SYNE1: variants seen among roughly 807,000 people sequenced by gnomAD.
The protein encoded by SYNE1 is spectrin repeat containing nuclear envelope protein 1.
Under a neutral mutation model 1,111.0 loss-of-function variants are expected in SYNE1, and 616 were observed. The ratio of observed to expected loss-of-function variants is 0.55; its 90% CI spans 0.52 to 0.59. The LOEUF (loss-of-function observed/expected upper bound fraction) is 0.59, where lower values mean the gene tolerates loss of function less well. Among genes scored for constraint, SYNE1 ranks in the 20% least tolerant of loss-of-function variants. The pLI is 0.00. For missense variants in SYNE1, 10,006 were observed against 10,417.0 expected (o/e 0.96, Z 1.72); for synonymous variants, 3,855 against 3,825.8 (o/e 1.01, Z -0.28).
At chr6:152,282,422 A>G (rs2094090157) in intron 96 of SYNE1, among the ~76,000 whole-genome samples, 1 of 152,222 alleles carries the variant, frequency 6.6e-6, no homozygotes, top group African/African-American at 2.4e-5. Context: ...GCAGCCACAT[A>G]CAGTTTCAGG....
rs562102264 is a variant in SYNE1 at position 152,314,557 on chromosome 6, C to G, written c.16710+2292G>C. Among the ~76,000 whole-genome samples, 8 of 152,242 alleles carry G rather than the reference C, an allele frequency of 5.3e-5. No homozygotes were observed. In the East Asian group the frequency reaches 1.6e-3, roughly 30 times the overall value. On this transcript the variant is annotated intron_variant, in intron 87 of 145. Coordinates refer to ENST00000367255, the MANE Select transcript of SYNE1 (RefSeq NM_182961.4). ...AAATCACACTATATTGTACTGTTTC[C>G]TTCTATCTGTCCCCTCCCCTAAATA...
chr6:152,614,193 A>G (rs1055992366), intron 3 of SYNE1, among the ~76,000 whole-genome samples: 1 of 152,346 alleles, frequency 6.6e-6, no homozygotes, highest in Non-Finnish European at 1.5e-5. Context: ...ATCAGAGTGA[A>G]CAGGCAACCT....
In SYNE1 at chr6:152,334,284, A is replaced by C. The variant is rs886977669; in HGVS notation, c.12529-11T>G. 2.5e-6 allele frequency: 4 copies of C among 1,612,700 alleles called. No homozygotes were observed. The Admixed American group carries it at 5.0e-5, about 20-fold the overall frequency. On this transcript the variant is annotated splice_polypyrimidine_tract_variant and intron_variant, in intron 76 of 145. Coordinates refer to ENST00000367255, the MANE Select transcript of SYNE1 (RefSeq NM_182961.4). Reference sequence around the variant, plus strand: ...TTTCTTAACAAAATCCTAAAGGATAACAGCAACAAAAAATATGTAATGTGT... The same window carrying C: ...TTTCTTAACAAAATCCTAAAGGATACCAGCAACAAAAAATATGTAATGTGT...
chr6:152,310,608 GCA>G, intron 88 of SYNE1, 78 bp downstream of exon 88: 1 of 1,608,500 alleles, frequency 6.2e-7, no homozygotes, highest in Non-Finnish European at 8.5e-7. Context: ...TCACAGGTGA[GCA>G]CTATTTCCAT....
chr6:152,514,172 T>C (rs2099099742), intron 6 of SYNE1, among the ~76,000 whole-genome samples: 1 of 152,210 alleles, frequency 6.6e-6, no homozygotes, highest in Non-Finnish European at 1.5e-5. Context: ...TAAGGGCACA[T>C]GCACATGTAT....
intron 11 of SYNE1, among the ~76,000 whole-genome samples, chr6:152,496,319 G>C (rs2098999070): frequency 6.6e-6 from 1 of 152,078 alleles, no homozygotes; most frequent in Admixed American, 6.5e-5. Flanking sequence ...AATCTGGCCT[G>C]GTGTATGACA....
intron 98 of SYNE1, among the ~76,000 whole-genome samples, chr6:152,274,453 T>C (rs894253696): frequency 6.6e-6 from 1 of 152,102 alleles, no homozygotes; most frequent in Non-Finnish European, 1.5e-5. Context: ...TGTTTGTCTA[T>C]GTCTTTTGTT....
intron 106 of SYNE1, among the ~76,000 whole-genome samples, chr6:152,243,409 G>T (rs2086268199): frequency 6.6e-6 from 1 of 152,164 alleles, no homozygotes. Flanking sequence ...AAACTGGAAA[G>T]ACATTTTAGG....
intron 6 of SYNE1, among the ~76,000 whole-genome samples, chr6:152,514,336 G>A (rs2099100566): frequency 6.6e-6 from 1 of 152,178 alleles, no homozygotes; most frequent in Admixed American, 6.5e-5. Context: ...CAGGGACATG[G>A]ATGAAGCTGG....
In SYNE1 at chr6:152,441,185, C is replaced by G; in HGVS notation, c.4094G>C (p.Arg1365Pro). The change falls in exon 32 of 146, where the codon CGC (arginine) becomes CCC (proline). Residue 1365 changes from arginine (R) to proline (P), a missense_variant. Around this residue, in one of 7 missense-constraint regions of SYNE1, gnomAD observed 1,971 missense variants for 2,084.1 expected, o/e 0.95. Transcript: ENST00000367255. ...YLFQTGSSHE[R>P]FLSFSSLESL... ...TTCCAAACTGCTAAAACTCAAGAAGCGTTCATGACTGGAACCTGTTTGAAA... is the reference window on the plus strand; with the variant it reads ...TTCCAAACTGCTAAAACTCAAGAAGGGTTCATGACTGGAACCTGTTTGAAA... 1 of 1,613,412 alleles carries G rather than the reference C, an allele frequency of 6.2e-7. No individual in the cohort carries two copies. Among genetic ancestry groups the G allele is most frequent in the Non-Finnish European group, 8.5e-7 (1 of 1,179,700 alleles).
chr6:152,348,044 C>T (rs1018098863), intron 72 of SYNE1, among the ~76,000 whole-genome samples: 3 of 152,060 alleles, frequency 2.0e-5, no homozygotes, highest in African/African-American at 7.2e-5. Flanking sequence ...ATATAATAAT[C>T]TAATTCTAGT....
Position 152,122,472 on chromosome 6 carries a change from G to A in SYNE1, c.26358C>T (p.Pro8786=), listed in dbSNP as rs781460714. 1.2e-6 allele frequency: 2 copies of A among 1,614,188 alleles called. No homozygotes were observed. The highest frequency in any genetic ancestry group is 1.7e-6 in the Non-Finnish European group (2 of 1,180,028). Residue 8786 remains proline (P), a synonymous_variant, in exon 146 of 146, where the codon CCC becomes CCT. Coordinates refer to ENST00000367255, the MANE Select transcript of SYNE1 (RefSeq NM_182961.4). ...GAGGGCCATTCGTGTATCTGAGCAT[G>A]GGGTGGAATGACCGGGCAAAGTTGT... ...LSNNFARSFH[P]MLRYTNGPPP... is the part of the protein sequence containing the mutation.
chr6:152,176,595 G>A (rs2153134829), intron 129 of SYNE1, 35 bp from the exon 130 acceptor site: 2 of 1,603,410 alleles, frequency 1.2e-6, no homozygotes, highest in East Asian at 2.2e-5. Context: ...AGGTCAGAAA[G>A]CATATTCTTA....
intron 121 of SYNE1, 119 bp from the exon 122 acceptor site, chr6:152,215,179 G>C: frequency 9.3e-7 from 1 of 1,079,516 alleles, no homozygotes; most frequent in Non-Finnish European, 1.4e-6. Context: ...AGTGGCCTCT[G>C]CATTTCTAGG....
At chr6:152,155,238 A>AT (rs1172062735) in intron 132 of SYNE1, 196 bp from the exon 133 acceptor site, 10 of 594,254 alleles carry the variant, frequency 1.7e-5, no homozygotes, top group African/African-American at 9.3e-5. Context: ...CGGCTGTTTT[A>AT]TTTTTTTAAA....
chr6:152,354,665 C>T lies in SYNE1; in HGVS notation c.10920G>A (p.Gln3640=). 1 of 1,614,208 alleles carries T rather than the reference C, an allele frequency of 6.2e-7. No homozygotes were observed. The highest frequency in any genetic ancestry group is 8.5e-7 in the Non-Finnish European group (1 of 1,180,030). The change falls in exon 67 of 146, where the codon CAG becomes CAA. Residue 3640 remains glutamine, a synonymous_variant. Transcript: ENST00000367255. Reference sequence around the variant, plus strand: ...GAATCTACATGAGTTGTACCTTCATCTGATGTAATTGTATCTCCTTGGTTG... The same window carrying T: ...GAATCTACATGAGTTGTACCTTCATTTGATGTAATTGTATCTCCTTGGTTG... ...NRATKEIQLH[Q]MKKWHEEVTA...
intron 59 of SYNE1, among the ~76,000 whole-genome samples, chr6:152,372,163 C>T (rs2097201824): frequency 6.6e-6 from 1 of 152,070 alleles, no homozygotes; most frequent in Non-Finnish European, 1.5e-5. Context: ...AGAGCTCAGA[C>T]CACATAGCAT....
chr6:152,375,773 G>C (rs2097269351), intron 58 of SYNE1, among the ~76,000 whole-genome samples: 1 of 152,134 alleles, frequency 6.6e-6, no homozygotes, highest in South Asian at 2.1e-4. Context: ...AAAGTGCTCA[G>C]GAACAATGCT....
chr6:152,607,320 T>A (rs1583333122), intron 3 of SYNE1, among the ~76,000 whole-genome samples: 1 of 152,222 alleles, frequency 6.6e-6, no homozygotes, highest in East Asian at 1.9e-4. Context: ...GCCTGATAGT[T>A]AAAATTTACT....
Sources: gnomAD v4.1 joint callset for allele counts (sites outside exome capture counted in the v4.1 genomes callset) on GRCh38, gnomAD v4.1.1 for gene constraint, gnomAD v4.1.1 regional missense constraint, MANE v1.5 for transcripts, NCBI Gene and HGNC (gene_info 2026-07-23, HGNC 2026-07-21) for gene names.